The following SLC17A1 variants were observed in gnomAD, a reference collection of about 807,000 sequenced individuals.
SLC17A1 encodes the protein sodium-dependent phosphate transport protein 1.
A neutral mutation model predicts 53.5 loss-of-function variants in SLC17A1; 51 were observed. The ratio of observed to expected loss-of-function variants is 0.95; its 90% CI spans 0.76 to 1.20. The LOEUF is 1.20. Among genes scored for constraint, SLC17A1 ranks in the 50% most tolerant of loss-of-function variants. SLC17A1 has a pLI of 0.00. For missense variants in SLC17A1, 538 were observed against 568.2 expected, an observed-to-expected ratio of 0.95 and a Z score of 0.54; for synonymous variants, 179 against 198.8, an observed-to-expected ratio of 0.90 and a Z score of 0.84.
the SLC17A1 span, among the ~76,000 whole-genome samples, chr6:25,728,500 T>C: frequency 2.0e-5 from 3 of 152,124 alleles, no homozygotes; most frequent in Non-Finnish European, 4.4e-5. Context: ...TTTGGATATG[T>C]ATATGTGCTT....
At chr6:25,819,633 T>C in intron 4 of SLC17A1, 35 bp from the exon 5 acceptor site, 9 of 1,611,758 alleles carry the variant, frequency 5.6e-6, no homozygotes, top group Non-Finnish European at 7.6e-6. Flanking sequence ...TAATCTCTAA[T>C]ACTTCCTGTG....
chr6:25,746,043 G>T, the SLC17A1 span, among the ~76,000 whole-genome samples: 2 of 152,098 alleles, frequency 1.3e-5, no homozygotes, highest in Admixed American at 1.3e-4. Flanking sequence ...AGCAGATTTC[G>T]CAATCCTAAC....
At position 25,811,380 on chromosome 6, in the gene SLC17A1, C is replaced by A; in HGVS notation, c.1178+18G>T. 6.3e-7 allele frequency: 1 copy of A among 1,592,910 alleles called. No homozygotes were observed. The highest frequency in any genetic ancestry group is 8.6e-7 in the Non-Finnish European group (1 of 1,168,564). ...TTATTTGTTAAAGGTTAAAAAAAAG[C>A]GTATAAACAAATCCTACCTGGGAGC... is the stretch of plus-strand genomic sequence containing the variant. On this transcript the variant is annotated intron_variant, in intron 10 of 12. Coordinates refer to ENST00000244527, the MANE Select transcript of SLC17A1 (RefSeq NM_005074.5).
chr6:25,786,406 G>T (rs1366659040), intron 12 of SLC17A1, among the ~76,000 whole-genome samples: 1 of 152,208 alleles, frequency 6.6e-6, no homozygotes, highest in Non-Finnish European at 1.5e-5. Flanking sequence ...AAGGCAGAAA[G>T]ACACTGACCA....
At chr6:25,824,537 A>C (rs1033136608) in intron 3 of SLC17A1, among the ~76,000 whole-genome samples, 1 of 151,924 alleles carries the variant, frequency 6.6e-6, no homozygotes, top group African/African-American at 2.4e-5. Flanking sequence ...AATGAATAAC[A>C]GTAGTCACAG....
intron 12 of SLC17A1, among the ~76,000 whole-genome samples, chr6:25,795,614 G>A (rs747892022): frequency 1.3e-4 from 20 of 152,078 alleles, no homozygotes; most frequent in Middle Eastern, 3.4e-3. Flanking sequence ...TAAAGGAGAC[G>A]GCTCTCAAAG....
chr6:25,750,201 T>C, the SLC17A1 span, among the ~76,000 whole-genome samples: 1 of 152,214 alleles, frequency 6.6e-6, no homozygotes, highest in Non-Finnish European at 1.5e-5. Context: ...AGAAGGGCAG[T>C]AGTACTTAAT....
At chr6:25,820,849 G>A (rs1226155141) in intron 3 of SLC17A1, among the ~76,000 whole-genome samples, 1 of 138,576 alleles carries the variant, frequency 7.2e-6, no homozygotes, top group East Asian at 2.1e-4. Flanking sequence ...CAGTGACCAA[G>A]ATCGCGCCAC....
the SLC17A1 span, among the ~76,000 whole-genome samples, chr6:25,728,349 A>G: frequency 6.6e-6 from 1 of 152,154 alleles, no homozygotes; most frequent in South Asian, 2.1e-4. Flanking sequence ...GTTGGACTCC[A>G]TCTGTAAGAG....
the SLC17A1 span, among the ~76,000 whole-genome samples, chr6:25,730,742 A>AT: frequency 6.6e-6 from 1 of 152,238 alleles, no homozygotes; most frequent in Non-Finnish European, 1.5e-5. Context: ...TAAATACACA[A>AT]TTTTTGTCAA....
At chr6:25,823,789 T>C (rs942733120) in intron 3 of SLC17A1, among the ~76,000 whole-genome samples, 9 of 152,074 alleles carry the variant, frequency 5.9e-5, no homozygotes, top group Admixed American at 2.0e-4. Flanking sequence ...TTCAGTTTTA[T>C]GTTTGTTCTT....
the SLC17A1 span, among the ~76,000 whole-genome samples, chr6:25,743,258 A>G: frequency 4.6e-5 from 7 of 152,246 alleles, no homozygotes; most frequent in Admixed American, 3.9e-4. Context: ...AATCAAAAGG[A>G]AAATAAGCAA....
At chr6:25,734,550 C>T in the SLC17A1 span, among the ~76,000 whole-genome samples, 4 of 152,184 alleles carry the variant, frequency 2.6e-5, no homozygotes, top group Non-Finnish European at 5.9e-5. Context: ...AAGTGCAGCA[C>T]ATTCTCAGTT....
rs777245172 is a variant in SLC17A1 at position 25,811,485 on chromosome 6, C to T, written c.1091G>A (p.Ser364Asn). 2 of 1,613,918 alleles carry T rather than the reference C, an allele frequency of 1.2e-6. No homozygotes were observed. Among genetic ancestry groups the T allele is most frequent in the Admixed American group, 1.7e-5 (1 of 59,996 alleles). The change falls in exon 10 of 13, where the codon AGC becomes AAC. Residue 364 changes from serine to asparagine, a missense_variant. Transcript: ENST00000244527. ...AGCAAGTATTAGGAAAATGACAATG[C>T]TGTAGAAGGTGGAACTCAGGTAAGG... Reference protein sequence around the residue: ...CLPYLSSTFYSIVIFLILAGA... With the variant: ...CLPYLSSTFYNIVIFLILAGA...
chr6:25,726,421 C>A, the SLC17A1 span: 2 of 1,614,130 alleles, frequency 1.2e-6, no homozygotes, highest in Non-Finnish European at 1.7e-6. Flanking sequence ...GTTTCCCTTA[C>A]GAAGCAGACG....
the SLC17A1 span, among the ~76,000 whole-genome samples, chr6:25,760,454 CA>C: frequency 6.6e-6 from 1 of 152,036 alleles, no homozygotes; most frequent in Non-Finnish European, 1.5e-5. Flanking sequence ...GTGTAAATTT[CA>C]TTTCATTTCT....
the SLC17A1 span, among the ~76,000 whole-genome samples, chr6:25,738,650 G>T: frequency 6.6e-6 from 1 of 152,022 alleles, no homozygotes; most frequent in African/African-American, 2.4e-5. Flanking sequence ...TAAAATACTT[G>T]ATCTATGTTA....
chr6:25,746,088 C>A, the SLC17A1 span, among the ~76,000 whole-genome samples: 1 of 152,170 alleles, frequency 6.6e-6, no homozygotes, highest in Admixed American at 6.5e-5. Flanking sequence ...ATCTAGTGAA[C>A]TTAAATGTTT....
At chr6:25,810,760 CA>C (rs757657154) in intron 10 of SLC17A1, among the ~76,000 whole-genome samples, 3 of 152,046 alleles carry the variant, frequency 2.0e-5, no homozygotes, top group Non-Finnish European at 4.4e-5. Flanking sequence ...GGTGTCTATC[CA>C]AAGGAAATGA....
Sources: gnomAD v4.1 joint callset for allele counts (sites outside exome capture counted in the v4.1 genomes callset) on GRCh38, gnomAD v4.1.1 for gene constraint, MANE v1.5 for transcripts, NCBI Gene and HGNC (gene_info 2026-07-23, HGNC 2026-07-21) for gene names.